Variants in MMP17 observed in about 807,000 individuals in gnomAD.
MMP17 encodes matrix metallopeptidase 17.
Under a neutral mutation model 49.1 loss-of-function variants are expected in MMP17, and 54 were observed. That is an observed-to-expected ratio of 1.10 (90% CI 0.88 to 1.38). MMP17 has a LOEUF of 1.38. MMP17 is among the 40% of genes most tolerant of loss of function. The pLI, the probability that MMP17 is intolerant of heterozygous loss-of-function variation, is 0.00. For missense variants in MMP17, 837 were observed against 853.7 expected (o/e 0.98, Z 0.24); for synonymous variants, 397 against 383.1 (o/e 1.04, Z -0.42).
intron 9 of MMP17, among the ~76,000 whole-genome samples, chr12:131,850,423 C>A (rs1887915075): frequency 1.3e-5 from 2 of 152,226 alleles, no homozygotes; most frequent in Non-Finnish European, 2.9e-5. Flanking sequence ...AAACGCCCTC[C>A]TGGGCATCAC....
At chr12:131,841,533 C>A in intron 4 of MMP17, 91 bp from the exon 5 acceptor site, 1 of 1,352,224 alleles carries the variant, frequency 7.4e-7, no homozygotes, top group South Asian at 1.2e-5. Flanking sequence ...TCCCCATGGT[C>A]ACCCCAGAGC....
At chr12:131,839,317 CTT>C (rs112712084) in intron 3 of MMP17, among the ~76,000 whole-genome samples, 12 of 145,300 alleles carry the variant, frequency 8.3e-5, no homozygotes, top group Admixed American at 2.8e-4. Flanking sequence ...GACCCTATTT[CTT>C]TTTTTTTTTT....
Position 131,845,338 on chromosome 12 carries a change from T to C in MMP17, c.1093T>C (p.Ser365Pro), listed in dbSNP as rs749769535. 1 of 1,604,464 alleles carries C rather than the reference T, an allele frequency of 6.2e-7. No homozygotes were observed. The highest frequency in any genetic ancestry group is 2.2e-5 in the East Asian group (1 of 44,690). Residue 365 changes from serine (S) to proline (P), a missense_variant, in exon 8 of 10, where the codon TCC (serine) becomes CCC (proline). By Grantham distance (74) the Ser-to-Pro change is moderately conservative. Coordinates refer to ENST00000360564, the MANE Select transcript of MMP17 (RefSeq NM_016155.7). Reference sequence around the variant, plus strand: ...GCTGACGCGGGACCGGCACCTGGTGTCCCTGCAGCCGGCACAGATGCACCG... The same window carrying C: ...GCTGACGCGGGACCGGCACCTGGTGCCCCTGCAGCCGGCACAGATGCACCG... ...WRLTRDRHLV[S>P]LQPAQMHRFW...
intron 1 of MMP17, among the ~76,000 whole-genome samples, chr12:131,835,603 G>A (rs1054606751): frequency 6.6e-6 from 1 of 152,202 alleles, no homozygotes; most frequent in Admixed American, 6.5e-5. Context: ...CGGGAAGGCT[G>A]GGGGGTGAGT....
chr12:131,840,479 C>A (rs1170343968), intron 3 of MMP17, 94 bp from the exon 4 acceptor site: 3 of 1,375,160 alleles, frequency 2.2e-6, no homozygotes, highest in African/African-American at 2.9e-5. Flanking sequence ...CTCATAGGGG[C>A]ACCCCCGGGC....
At chr12:131,829,471 C>A (rs775710681) in intron 1 of MMP17, among the ~76,000 whole-genome samples, 58 of 152,090 alleles carry the variant, frequency 3.8e-4, no homozygotes, top group Non-Finnish European at 6.2e-4. Context: ...CCCGCTGGGG[C>A]GGCCGGGTGA....
intron 9 of MMP17, among the ~76,000 whole-genome samples, chr12:131,850,292 C>T (rs1887909029): frequency 6.6e-6 from 1 of 152,198 alleles, no homozygotes; most frequent in Non-Finnish European, 1.5e-5. Context: ...AGCACTCCCT[C>T]GCCCCTGCTG....
Position 131,845,205 on chromosome 12 carries a change from C to T in MMP17, c.1051+5C>T, listed in dbSNP as rs1241696167. 8.1e-6 allele frequency: 13 copies of T among 1,614,046 alleles called. No homozygotes were observed. The East Asian group carries it at 2.9e-4, about 36-fold the overall frequency. On this transcript the variant is annotated splice_donor_5th_base_variant and intron_variant, in intron 7 of 9. Coordinates refer to ENST00000360564, the MANE Select transcript of MMP17 (RefSeq NM_016155.7). The stretch of plus-strand genomic sequence containing the variant: ...GTGAAGCTTTCTTCTTCAAAGGTAC[C>T]TCCAGGGTTCCCGTGGCGGTTGGCT...
chr12:131,840,929 C>G (rs958335814), intron 4 of MMP17, 73 bp downstream of exon 4: 23 of 1,451,656 alleles, frequency 1.6e-5, no homozygotes, highest in African/African-American at 2.8e-5. Flanking sequence ...CAGCCATGGC[C>G]CCCCCATCCC....
At chr12:131,840,878 G>A in intron 4 of MMP17, 22 bp downstream of exon 4, 18 of 1,561,216 alleles carry the variant, frequency 1.2e-5, no homozygotes, top group Middle Eastern at 1.7e-4. Flanking sequence ...GCAGCCCTCA[G>A]GGCAGAGTCA....
chr12:131,835,468 C>T (rs1170965297), intron 1 of MMP17, among the ~76,000 whole-genome samples: 1 of 152,232 alleles, frequency 6.6e-6, no homozygotes, highest in Non-Finnish European at 1.5e-5. Context: ...ATGCATGTGG[C>T]CTCGTGGCCA....
chr12:131,844,414 A>C, intron 6 of MMP17: 1 of 386,680 alleles, frequency 2.6e-6, no homozygotes, highest in Non-Finnish European at 4.7e-6. Context: ...AGGGCCTGCG[A>C]GTGTCTGGCC....
chr12:131,845,410 T>A lies in MMP17; in HGVS notation c.1165T>A (p.Tyr389Asn). The A allele has an allele frequency of 6.3e-7, 1 of 1,585,114 alleles. No individual in the cohort carries two copies. The highest frequency in any genetic ancestry group is 1.1e-5 in the South Asian group (1 of 90,708). ...PLHLDSVDAV[Y>N]ERTSDHKIVF... is the part of the protein sequence containing the mutation. ...GCACCTGGACAGCGTGGACGCCGTGTACGAGCGCACCAGCGACCACAAGAT... is the reference window on the plus strand; with the variant it reads ...GCACCTGGACAGCGTGGACGCCGTGAACGAGCGCACCAGCGACCACAAGAT... Residue 389 changes from tyrosine (Y) to asparagine (N), a missense_variant, in exon 8 of 10, where the codon TAC becomes AAC. Tyr to Asn is a moderately radical substitution (Grantham distance 143). Coordinates refer to ENST00000360564, the MANE Select transcript of MMP17 (RefSeq NM_016155.7).
intron 1 of MMP17, among the ~76,000 whole-genome samples, chr12:131,834,465 G>A (rs1593223229): frequency 6.6e-6 from 1 of 152,150 alleles, no homozygotes; most frequent in Non-Finnish European, 1.5e-5. Context: ...AGGTTCCCAG[G>A]ATCAGACGCC....
intron 6 of MMP17, 163 bp from the exon 7 acceptor site, chr12:131,844,955 C>A: frequency 1.5e-6 from 1 of 656,440 alleles, no homozygotes; most frequent in Non-Finnish European, 2.7e-6. Flanking sequence ...GGTGGACAGG[C>A]ACCCCCGTTT....
intron 8 of MMP17, among the ~76,000 whole-genome samples, chr12:131,848,738 G>A (rs921412332): frequency 1.3e-5 from 2 of 152,212 alleles, no homozygotes; most frequent in Non-Finnish European, 2.9e-5. Context: ...CATACACGCG[G>A]TGGCACGTGG....
intron 1 of MMP17, among the ~76,000 whole-genome samples, chr12:131,833,856 C>T (rs1297793386): frequency 6.6e-6 from 1 of 152,228 alleles, no homozygotes; most frequent in Non-Finnish European, 1.5e-5. Context: ...GCCGTTACAA[C>T]CAATCAGTGC....
At chr12:131,843,302 G>C (rs1294610112) in intron 5 of MMP17, among the ~76,000 whole-genome samples, 1 of 140,608 alleles carries the variant, frequency 7.1e-6, no homozygotes, top group Non-Finnish European at 1.5e-5. Context: ...AGAGATGGGG[G>C]TCTCACTATG....
At chr12:131,837,801 C>T (rs978994706) in intron 1 of MMP17, among the ~76,000 whole-genome samples, 3 of 152,226 alleles carry the variant, frequency 2.0e-5, no homozygotes, top group Non-Finnish European at 4.4e-5. Flanking sequence ...AGCTCCGCCT[C>T]CTGGGTTCCC....
Sources: gnomAD v4.1 joint callset for allele counts (sites outside exome capture counted in the v4.1 genomes callset) on GRCh38, gnomAD v4.1.1 for gene constraint, MANE v1.5 for transcripts, NCBI Gene and HGNC (gene_info 2026-07-23, HGNC 2026-07-21) for gene names.